HIP1: variants seen among roughly 807,000 people sequenced by gnomAD.
HIP1 encodes the protein huntingtin interacting protein 1.
In HIP1, 65 loss-of-function variants were observed where a neutral mutation model predicts 147.6. The observed-to-expected ratio is 0.44, with a 90% CI of 0.36 to 0.54. HIP1 has a LOEUF of 0.54. Ranked by LOEUF, HIP1 falls within the 20% of genes least tolerant of loss-of-function variation. HIP1 has a pLI of 0.00. For synonymous variants in HIP1, 479 were observed against 504.0 expected (o/e 0.95, Z 0.67); for missense variants, 1,061 against 1,299.6 (o/e 0.82, Z 2.82).
rs1794031255 is a variant in HIP1, at chr7:75,535,003, C to A, written c.*3169G>T. 4.8e-6 allele frequency: 1 copy of A among 207,838 alleles called. No individual in the cohort carries two copies. Among genetic ancestry groups the A allele is most frequent in the Non-Finnish European group, 9.8e-6 (1 of 102,026 alleles). The allele number at this position is 207,838 out of a possible 1,614,324, so 12.9% of individuals were successfully genotyped here. ...CAAGGTGTGTCATTAAATAGCTCTT[C>A]ATCTTCATTTTTAGAAGAGTCACAA... On this transcript the variant is annotated 3_prime_UTR_variant, in exon 31 of 31. Coordinates refer to ENST00000336926, the MANE Select transcript of HIP1 (RefSeq NM_005338.7).
At chr7:75,691,361 C>T (rs1052450995) in intron 1 of HIP1, among the ~76,000 whole-genome samples, 6 of 152,020 alleles carry the variant, frequency 3.9e-5, no homozygotes, top group Non-Finnish European at 5.9e-5. Context: ...CATGGTGGCA[C>T]GTGCCTGTAA....
intron 1 of HIP1, among the ~76,000 whole-genome samples, chr7:75,618,547 A>G (rs1028561888): frequency 6.6e-6 from 1 of 152,088 alleles, no homozygotes; most frequent in Non-Finnish European, 1.5e-5. Flanking sequence ...TCAGTCTCCC[A>G]AAGTGCCGGG....
chr7:75,602,025 G>C (rs111352959), intron 1 of HIP1, among the ~76,000 whole-genome samples: 2,338 of 148,492 alleles, frequency 0.016, 21 homozygotes, highest in Non-Finnish European at 0.023. Context: ...TGTTTAGACA[G>C]AGTCTCACTC....
chr7:75,579,534 C>T (rs1017031943), intron 7 of HIP1, among the ~76,000 whole-genome samples: 8 of 151,428 alleles, frequency 5.3e-5, no homozygotes, highest in Non-Finnish European at 8.8e-5. Flanking sequence ...TCAGGTGATC[C>T]GCCCCCCTTG....
At chr7:75,629,546 CTTTTTT>C (rs58993055) in intron 1 of HIP1, among the ~76,000 whole-genome samples, 1 of 145,630 alleles carries the variant, frequency 6.9e-6, no homozygotes, top group African/African-American at 2.5e-5. Flanking sequence ...CCCCGCTTTT[CTTTTTT>C]TTTTTTTTGA....
At chr7:75,661,623 A>T (rs2696203) in intron 1 of HIP1, among the ~76,000 whole-genome samples, 79,458 of 147,694 alleles carry the variant, frequency 0.54, 22,398 homozygotes, top group African/African-American at 0.71. Flanking sequence ...AGATAAGGGC[A>T]GTGAGGGGCC....
At chr7:75,710,747 C>T (rs955627150) in intron 1 of HIP1, among the ~76,000 whole-genome samples, 3 of 152,018 alleles carry the variant, frequency 2.0e-5, no homozygotes, top group Non-Finnish European at 4.4e-5. Context: ...CTGGGCAATA[C>T]GGTGAGACTC....
chr7:75,631,427 A>T (rs1798217109), intron 1 of HIP1, among the ~76,000 whole-genome samples: 1 of 152,154 alleles, frequency 6.6e-6, no homozygotes, highest in Admixed American at 6.5e-5. Context: ...AGCCTCTGTG[A>T]TTCCAAAGCC....
At chr7:75,559,283 C>CTTT (rs782067251) in intron 14 of HIP1, among the ~76,000 whole-genome samples, 5 of 151,970 alleles carry the variant, frequency 3.3e-5, no homozygotes, top group Non-Finnish European at 7.4e-5. Context: ...CCCGGCTAGT[C>CTTT]TTTTTTATTT....
At chr7:75,541,512 C>G (rs1167792) in intron 29 of HIP1, among the ~76,000 whole-genome samples, 49,475 of 147,974 alleles carry the variant, frequency 0.33, 9,639 homozygotes, top group Non-Finnish European at 0.43. Context: ...GCCTGGGCGA[C>G]AGAGCAAGAC....
At chr7:75,637,991 CCCACACACACACATACACACA>C (rs1798495799) in intron 1 of HIP1, among the ~76,000 whole-genome samples, 2 of 50,756 alleles carry the variant, frequency 3.9e-5, no homozygotes, top group Non-Finnish European at 4.0e-5. Flanking sequence ...CCCCCCCCCC[CCCACACACACACATACACACA>C]CACACACACA....
chr7:75,726,531 C>T (rs1163259331), intron 1 of HIP1, among the ~76,000 whole-genome samples: 1 of 151,896 alleles, frequency 6.6e-6, no homozygotes, highest in African/African-American at 2.4e-5. Flanking sequence ...GATCCGCTCA[C>T]CTTGGCCTCC....
At chr7:75,728,940 G>C (rs1178386454) in intron 1 of HIP1, among the ~76,000 whole-genome samples, 2 of 150,672 alleles carry the variant, frequency 1.3e-5, no homozygotes, top group Admixed American at 6.6e-5. Flanking sequence ...GGAGTATGGT[G>C]GGGGGAAGTG....
chr7:75,559,693 TGCCCCCGGGGCCC>T (rs1267622479), intron 14 of HIP1, 26 bp downstream of exon 14: 1 of 1,387,522 alleles, frequency 7.2e-7, no homozygotes, highest in South Asian at 1.3e-5. Context: ...TGCCCGCGCC[TGCCCCCGGGGCCC>T]GCCCCCGCCC....
intron 1 of HIP1, among the ~76,000 whole-genome samples, chr7:75,614,530 GA>G (rs1797566683): frequency 7.0e-5 from 2 of 28,610 alleles, no homozygotes; most frequent in Non-Finnish European, 5.2e-4. Context: ...CATAGAGACA[GA>G]GAGCTGACTG....
chr7:75,650,852 C>T (rs1278709756), intron 1 of HIP1, among the ~76,000 whole-genome samples: 1 of 152,000 alleles, frequency 6.6e-6, no homozygotes, highest in African/African-American at 2.4e-5. Context: ...AGGGTGGCAG[C>T]CAAGCTAATT....
intron 1 of HIP1, among the ~76,000 whole-genome samples, chr7:75,719,947 T>G (rs1203625777): frequency 6.6e-6 from 1 of 152,038 alleles, no homozygotes; most frequent in African/African-American, 2.4e-5. Context: ...GGGGAGTTAT[T>G]TTGCCTTTTC....
intron 1 of HIP1, among the ~76,000 whole-genome samples, chr7:75,721,907 A>G (rs972337930): frequency 6.6e-6 from 1 of 152,228 alleles, no homozygotes; most frequent in African/African-American, 2.4e-5. Context: ...GAATCAGGAC[A>G]GCAAAGCTAG....
intron 1 of HIP1, among the ~76,000 whole-genome samples, chr7:75,655,297 G>C (rs1426202412): frequency 6.6e-6 from 1 of 151,678 alleles, no homozygotes; most frequent in East Asian, 2.0e-4. Flanking sequence ...GCCAGACACA[G>C]GCCGGGCACG....
Sources: gnomAD v4.1 joint callset for allele counts (sites outside exome capture counted in the v4.1 genomes callset) on GRCh38, gnomAD v4.1.1 for gene constraint, MANE v1.5 for transcripts, NCBI Gene and HGNC (gene_info 2026-07-23, HGNC 2026-07-21) for gene names.